The following NCOR2 variants were observed in gnomAD, a reference collection of about 807,000 sequenced individuals.
NCOR2 encodes the protein CTG repeat protein 26.
In NCOR2, 81 loss-of-function variants were observed where a neutral mutation model predicts 262.9. The observed-to-expected ratio is 0.31, with a 90% confidence interval of 0.26 to 0.37. NCOR2 has a LOEUF of 0.37. NCOR2 is among the 10% of genes least tolerant of loss of function. The pLI is 1.00. For missense variants in NCOR2, 3,385 were observed against 3,621.4 expected (o/e 0.93, Z 1.68); for synonymous variants, 1,659 against 1,559.3 (o/e 1.06, Z -1.51).
intron 18 of NCOR2, among the ~76,000 whole-genome samples, chr12:124,377,009 C>G (rs556371955): frequency 6.6e-6 from 1 of 152,316 alleles, no homozygotes; most frequent in African/African-American, 2.4e-5. Flanking sequence ...CCCCAGCTTC[C>G]CCTTTGACAG....
intron 1 of NCOR2, among the ~76,000 whole-genome samples, chr12:124,500,919 CTCT>C (rs1394528551): frequency 1.3e-4 from 20 of 152,302 alleles, no homozygotes; most frequent in African/African-American, 4.8e-4. Context: ...GCACGCGGGG[CTCT>C]GCGCCGCACG....
In NCOR2 at chr12:124,392,264, G is replaced by C. The variant is rs941113912; in HGVS notation, c.1876+5855C>G. On this transcript the variant is annotated intron_variant, in intron 16 of 46. Coordinates refer to ENST00000405201, the Ensembl canonical transcript of NCOR2. Reference sequence around the variant, plus strand: ...CTGACAGGAGCAAGAGTGTGGTCCAGACCCTGCCCCTGTGTCTGGCTGTAC... The same window carrying C: ...CTGACAGGAGCAAGAGTGTGGTCCACACCCTGCCCCTGTGTCTGGCTGTAC... Among the ~76,000 whole-genome samples the C allele has an allele frequency of 3.3e-5, 5 of 152,280 alleles. No homozygotes were observed. The East Asian group carries it at 9.6e-4, about 29-fold the overall frequency.
chr12:124,469,808 G>A (rs2046734332), intron 4 of NCOR2, among the ~76,000 whole-genome samples: 2 of 152,168 alleles, frequency 1.3e-5, no homozygotes, highest in South Asian at 2.1e-4. Context: ...AAACCACAAT[G>A]AGATACCGCT....
chr12:124,512,003 C>A (rs1384441073), intron 1 of NCOR2, among the ~76,000 whole-genome samples: 14 of 152,166 alleles, frequency 9.2e-5, no homozygotes, highest in Non-Finnish European at 1.9e-4. Context: ...CTTACTGCAG[C>A]CTTGACCTCC....
At position 124,372,219 on chromosome 12, in the gene NCOR2, G is replaced by A. The variant is rs544420996; in HGVS notation, c.2610C>T (p.Ala870=). The change falls in exon 20 of 47, where the codon GCC becomes GCT. Residue 870 remains alanine (A), a synonymous_variant. Transcript: ENST00000405201. ...CCTTGCCCTTGGCCGGCCCCTCCTCGGCTTCCTCCGTGCACTCGCTCTTGA... is the reference window on the plus strand; with the variant it reads ...CCTTGCCCTTGGCCGGCCCCTCCTCAGCTTCCTCCGTGCACTCGCTCTTGA... The A allele has an allele frequency of 4.5e-5, 72 of 1,601,580 alleles. No individual in the cohort carries two copies. The highest frequency in any genetic ancestry group is 3.2e-4 in the South Asian group (29 of 90,776).
intron 13 of NCOR2, among the ~76,000 whole-genome samples, chr12:124,416,490 G>T (rs1457428839): frequency 6.6e-6 from 1 of 152,164 alleles, no homozygotes; most frequent in African/African-American, 2.4e-5. Flanking sequence ...CTTCAAGGAT[G>T]TGCCACCAAT....
chr12:124,506,297 C>G (rs964408286), intron 1 of NCOR2, among the ~76,000 whole-genome samples: 14 of 150,936 alleles, frequency 9.3e-5, no homozygotes, highest in African/African-American at 3.4e-4. Flanking sequence ...CTCCCCACGG[C>G]CCTGCCAGCC....
At chr12:124,374,494 G>C in intron 18 of NCOR2, 31 bp from the exon 21 acceptor site, 1 of 1,606,662 alleles carries the variant, frequency 6.2e-7, no homozygotes, top group Non-Finnish European at 8.5e-7. Flanking sequence ...AGTTAGAAGT[G>C]AGGCAGCACC....
rs2047456589 is a variant in NCOR2 at position 124,481,178 on chromosome 12, G to A, written c.411+2418C>T. On this transcript the variant is annotated intron_variant, in intron 3 of 46. Transcript: ENST00000405201. The surrounding 1 kb of genome is among the most constrained non-coding windows in gnomAD (Gnocchi z 4.6). Reference sequence around the variant, plus strand: ...GGGAGGAAGAAGGAGGGAGGAAGGTGTAGAAGGAGAGAAGGAAGGGGAGGA... The same window carrying A: ...GGGAGGAAGAAGGAGGGAGGAAGGTATAGAAGGAGAGAAGGAAGGGGAGGA... Among the ~76,000 whole-genome samples, 1 of 151,850 alleles carries A rather than the reference G, an allele frequency of 6.6e-6. No homozygotes were observed. Among genetic ancestry groups the A allele is most frequent in the Admixed American group, 6.6e-5 (1 of 15,266 alleles).
chr12:124,333,050 G>A, intron 42 of NCOR2, 80 bp downstream of exon 44: 1 of 1,498,718 alleles, frequency 6.7e-7, no homozygotes, highest in Non-Finnish European at 8.9e-7. Flanking sequence ...TCTCCACATG[G>A]CACCACGGTG....
chr12:124,552,626 C>G (rs1193084515), intron 1 of NCOR2, among the ~76,000 whole-genome samples: 1 of 152,194 alleles, frequency 6.6e-6, no homozygotes, highest in Non-Finnish European at 1.5e-5. Flanking sequence ...AGCAAGCATC[C>G]TCTGTAACAA....
Position 124,325,598 on chromosome 12 carries a change from G to A in NCOR2, c.7364-15C>T, listed in dbSNP as rs551211002. The A allele has an allele frequency of 3.9e-5, 49 of 1,269,292 alleles. No homozygotes were observed. In the Admixed American group the frequency reaches 5.8e-4, roughly 15 times the overall value. The allele number at this position is 1,269,292 out of a possible 1,614,324, so 78.6% of individuals were successfully genotyped here. A position where few individuals can be genotyped will look rare whatever the true frequency, so the allele number is the denominator to read the frequency against. On this transcript the variant is annotated splice_polypyrimidine_tract_variant and intron_variant, in intron 46 of 46. Transcript: ENST00000405201. ...TGGCGTGGAACCTGCGGGAAGAAGCGAAAGATGCCCAGGAGGCCTCTGTGA... is the reference window on the plus strand; with the variant it reads ...TGGCGTGGAACCTGCGGGAAGAAGCAAAAGATGCCCAGGAGGCCTCTGTGA...
Position 124,333,888 on chromosome 12 carries a change from G to GTGTGTGCGCGCA in NCOR2, c.6605+535_6605+536insTGCGCGCACACA, listed in dbSNP as rs1555299232. Among the ~76,000 whole-genome samples the GTGTGTGCGCGCA allele has an allele frequency of 3.1e-3, 64 of 20,678 alleles. 2 individuals carry two copies. Among genetic ancestry groups the GTGTGTGCGCGCA allele is most frequent in the Non-Finnish European group, 8.2e-3 (51 of 6,236 alleles). 13.6% of individuals were successfully genotyped at this position (20,678 alleles called of 152,430 possible). ...TGTGCGCATGTGTGCGGGTGTGCATGTGTGTGTGCGCGCGCATGTGTGCGG... is the reference window on the plus strand; with the variant it reads ...TGTGCGCATGTGTGCGGGTGTGCATGTGTGTGCGCGCATGTGTGTGCGCGCGCATGTGTGCGG... On this transcript the variant is annotated intron_variant, in intron 41 of 46. Coordinates refer to ENST00000405201, the Ensembl canonical transcript of NCOR2.
At chr12:124,518,883 C>T (rs929347884) in intron 1 of NCOR2, among the ~76,000 whole-genome samples, 25 of 152,326 alleles carry the variant, frequency 1.6e-4, no homozygotes, top group African/African-American at 3.4e-4. Flanking sequence ...GCCTTGGCTC[C>T]GGCCTGGTTC....
intron 46 of NCOR2, among the ~76,000 whole-genome samples, chr12:124,325,809 T>G (rs1442836691): frequency 6.6e-6 from 1 of 152,186 alleles, no homozygotes; most frequent in Non-Finnish European, 1.5e-5. Context: ...ACTATAGCAG[T>G]AGCCTATTCA....
chr12:124,544,060 G>C (rs1313192083), intron 1 of NCOR2, among the ~76,000 whole-genome samples: 1 of 152,232 alleles, frequency 6.6e-6, no homozygotes, highest in Non-Finnish European at 1.5e-5. Context: ...GCGTCAGTCA[G>C]CACCAGCGAC....
chr12:124,493,186 G>A (rs1054064928), intron 1 of NCOR2, among the ~76,000 whole-genome samples: 1 of 152,242 alleles, frequency 6.6e-6, no homozygotes. Flanking sequence ...GGGGCAAAGG[G>A]CAGGAGGGGT....
chr12:124,500,443 G>A (rs575151019), intron 1 of NCOR2, among the ~76,000 whole-genome samples: 55 of 152,304 alleles, frequency 3.6e-4, no homozygotes, highest in African/African-American at 7.2e-4. Flanking sequence ...CGGCCACTGC[G>A]GGCTTTGGTA....
chr12:124,443,421 G>A lies in NCOR2; in HGVS notation c.816-5425C>T, dbSNP rs1483061034. On this transcript the variant is annotated intron_variant, in intron 7 of 46. Transcript: ENST00000405201. The surrounding 1 kb of genome is among the most constrained non-coding windows in gnomAD (Gnocchi z 4.4). ...CTGCAAACACATGTCAAGTCCGCAG[G>A]GTGCAAACTGCACAGTGCACAGGCC... 6.6e-6 allele frequency among the ~76,000 whole-genome samples: 1 copy of A among 152,202 alleles called. No homozygotes were observed. Among genetic ancestry groups the A allele is most frequent in the Non-Finnish European group, 1.5e-5 (1 of 68,044 alleles).
Sources: allele counts gnomAD v4.1 joint callset (sites outside exome capture counted in the v4.1 genomes callset), GRCh38; gene constraint gnomAD v4.1.1; non-coding constraint Gnocchi (gnomAD v3.1); transcripts MANE v1.5; gene names NCBI Gene and HGNC (gene_info 2026-07-23, HGNC 2026-07-21).